Variants in NOX4 observed in about 807,000 individuals in gnomAD.
The protein encoded by NOX4 is NADPH oxidase 4.
NOX4 carries 69 observed loss-of-function variants against 87.6 expected under a neutral mutation model. The ratio of observed to expected loss-of-function variants is 0.79; its 90% confidence interval spans 0.65 to 0.96. The LOEUF (loss-of-function observed/expected upper bound fraction) is 0.96, where lower values mean the gene tolerates loss of function less well. NOX4 is among the 40% of genes least tolerant of loss of function. The probability of loss-of-function intolerance (pLI) is 0.00; values close to 1 mark genes in which losing one functional copy is unlikely to be tolerated. For missense variants in NOX4, 680 were observed against 681.5 expected (o/e 1.00, Z 0.02); for synonymous variants, 275 against 238.2 (o/e 1.15, Z -1.42).
the NOX4 span, among the ~76,000 whole-genome samples, chr11:89,586,328 G>A: frequency 6.6e-6 from 1 of 152,138 alleles, no homozygotes; most frequent in African/African-American, 2.4e-5. Context: ...CAGACACTAT[G>A]CTAAGTATTT....
At chr11:89,371,138 C>A (rs1463801052) in intron 12 of NOX4, among the ~76,000 whole-genome samples, 1 of 152,006 alleles carries the variant, frequency 6.6e-6, no homozygotes, top group Non-Finnish European at 1.5e-5. Flanking sequence ...AATGCTCCTA[C>A]TTTTCCTTCA....
At chr11:89,369,261 G>A (rs755961786) in intron 12 of NOX4, among the ~76,000 whole-genome samples, 1 of 152,014 alleles carries the variant, frequency 6.6e-6, no homozygotes, top group Non-Finnish European at 1.5e-5. Flanking sequence ...AAAATACAAA[G>A]AGTGGAAGAA....
At chr11:89,555,926 G>C in the NOX4 span, among the ~76,000 whole-genome samples, 36 of 152,224 alleles carry the variant, frequency 2.4e-4, 1 homozygote, top group South Asian at 7.5e-3. Flanking sequence ...CTCAACAAAA[G>C]AATGTTTAAA....
intron 12 of NOX4, among the ~76,000 whole-genome samples, chr11:89,355,586 A>G (rs1937982812): frequency 6.6e-6 from 1 of 152,084 alleles, no homozygotes; most frequent in African/African-American, 2.4e-5. Context: ...AATGTGAATC[A>G]AAACCAGACA....
intron 9 of NOX4, 70 bp downstream of exon 9, chr11:89,402,256 A>G (rs987547463): frequency 3.4e-6 from 4 of 1,161,740 alleles, no homozygotes; most frequent in Admixed American, 3.5e-5. Flanking sequence ...TGAAAAACAC[A>G]TTTATATGTG....
chr11:89,509,323 T>C, the NOX4 span, among the ~76,000 whole-genome samples: 2 of 152,172 alleles, frequency 1.3e-5, no homozygotes, highest in Middle Eastern at 3.4e-3. Context: ...ATTGACTTCA[T>C]TGGAACAAAA....
At chr11:89,407,975 T>C (rs1294102470) in intron 8 of NOX4, among the ~76,000 whole-genome samples, 1 of 124,828 alleles carries the variant, frequency 8.0e-6, no homozygotes, top group Non-Finnish European at 1.6e-5. Flanking sequence ...TTCCTAATAT[T>C]TTATAATATG....
chr11:89,521,255 G>A, the NOX4 span, among the ~76,000 whole-genome samples: 1 of 151,956 alleles, frequency 6.6e-6, no homozygotes, highest in Non-Finnish European at 1.5e-5. Context: ...CAAAGCCAAA[G>A]GCATCACAAT....
intron 12 of NOX4, among the ~76,000 whole-genome samples, chr11:89,365,765 A>AC (rs1218300072): frequency 2.0e-5 from 3 of 151,246 alleles, no homozygotes; most frequent in Non-Finnish European, 4.4e-5. Context: ...AAAAAAAAAA[A>AC]AAAAAAAAAA....
In NOX4 at chr11:89,476,545, A is replaced by G. The variant is rs144459275; in HGVS notation, c.153+13913T>C. Among the ~76,000 whole-genome samples, 405 of 141,300 alleles carry G rather than the reference A, an allele frequency of 2.9e-3. 3 individuals carry two copies. Among genetic ancestry groups the G allele is most frequent in the Admixed American group, 9.1e-3 (134 of 14,770 alleles). The allele number at this position is 141,300 out of a possible 152,430, so 92.7% of individuals were successfully genotyped here. On this transcript the variant is annotated intron_variant, in intron 2 of 17. Coordinates refer to ENST00000263317, the MANE Select transcript of NOX4 (RefSeq NM_016931.5). ...CTGACTAAATCCAACTCCTATAACA[A>G]GTAACTAAAAAAATGCTATTTTTTA... is the stretch of plus-strand genomic sequence containing the variant.
chr11:89,399,505 T>A (rs1176162853), intron 11 of NOX4, among the ~76,000 whole-genome samples: 9 of 146,228 alleles, frequency 6.2e-5, no homozygotes, highest in Non-Finnish European at 1.2e-4. Context: ...ACTCTCTTGC[T>A]CAGGCTGGAG....
At chr11:89,571,113 A>T in the NOX4 span, among the ~76,000 whole-genome samples, 2 of 152,208 alleles carry the variant, frequency 1.3e-5, no homozygotes, top group African/African-American at 2.4e-5. Flanking sequence ...CCATTCTGGC[A>T]TAGTGGCTTT....
In NOX4 at chr11:89,419,888, AT is replaced by A. The variant is rs1211174620; in HGVS notation, c.629+2013del. ...GAAATAGTTTTTTTTCAGAGTTTTA[AT>A]TTAGTAAAACATAAAGGCAAAATAA... On this transcript the variant is annotated intron_variant, in intron 8 of 17. Transcript: ENST00000263317. 5.3e-5 allele frequency among the ~76,000 whole-genome samples: 8 copies of A among 151,982 alleles called. 1 individual carries two copies. The highest frequency in any genetic ancestry group is 1.4e-4 in the African/African-American group (6 of 41,448).
the NOX4 span, among the ~76,000 whole-genome samples, chr11:89,514,635 G>T: frequency 6.6e-6 from 1 of 151,934 alleles, no homozygotes; most frequent in African/African-American, 2.4e-5. Context: ...TTTCATAGGT[G>T]CCCTTAAGTT....
intron 8 of NOX4, among the ~76,000 whole-genome samples, chr11:89,409,451 T>C (rs1206258327): frequency 6.6e-6 from 1 of 152,232 alleles, no homozygotes; most frequent in Non-Finnish European, 1.5e-5. Flanking sequence ...TGACTTCATG[T>C]ACATAAAAAT....
chr11:89,500,679 G>C (rs372241923), upstream of NOX4, among the ~76,000 whole-genome samples: 9 of 152,158 alleles, frequency 5.9e-5, 1 homozygote, highest in African/African-American at 2.2e-4. Context: ...TATGCTTTAA[G>C]CATGAATTTA....
At chr11:89,499,095 G>C (rs1236176361), upstream of NOX4, 1 of 152,910 alleles carries the variant, frequency 6.5e-6, no homozygotes, top group Non-Finnish European at 1.5e-5. Context: ...CCGGTAGAGG[G>C]TGCACTCGCA....
chr11:89,397,334 T>A lies in NOX4; in HGVS notation c.1074+2683A>T, dbSNP rs557897944. Among the ~76,000 whole-genome samples, 28 of 152,244 alleles carry A rather than the reference T, an allele frequency of 1.8e-4. No individual in the cohort carries two copies. In the East Asian group the frequency reaches 2.9e-3, roughly 16 times the overall value. On this transcript the variant is annotated intron_variant, in intron 11 of 17. Coordinates refer to ENST00000263317, the MANE Select transcript of NOX4 (RefSeq NM_016931.5). The stretch of plus-strand genomic sequence containing the variant: ...ATTTAAAGCAGTGTGTAGAGAGAAC[T>A]TTATAGCACTAAATGCCCACAAGAG...
intron 2 of NOX4, among the ~76,000 whole-genome samples, chr11:89,490,224 G>A (rs1026688137): frequency 6.6e-6 from 1 of 152,198 alleles, no homozygotes; most frequent in Non-Finnish European, 1.5e-5. Flanking sequence ...TGGTCTGGCA[G>A]GTTCATTCGT....
Sources: gnomAD v4.1 joint callset for allele counts (sites outside exome capture counted in the v4.1 genomes callset) on GRCh38, gnomAD v4.1.1 for gene constraint, MANE v1.5 for transcripts, NCBI Gene and HGNC (gene_info 2026-07-23, HGNC 2026-07-21) for gene names.